NTM: variants seen among roughly 807,000 people sequenced by gnomAD.
NTM encodes IgLON family member 2.
A neutral mutation model predicts 42.1 loss-of-function variants in NTM; 13 were observed. The ratio of observed to expected loss-of-function variants is 0.31; its 90% CI spans 0.20 to 0.49. The LOEUF is 0.49. Among genes scored for constraint, NTM ranks in the 20% least tolerant of loss-of-function variants. The probability of loss-of-function intolerance (pLI) is 0.99; values close to 1 mark genes in which losing one functional copy is unlikely to be tolerated. For missense variants in NTM, 373 were observed against 452.8 expected (o/e 0.82, Z 1.60); for synonymous variants, 187 against 179.2 (o/e 1.04, Z -0.35).
intron 1 of NTM, among the ~76,000 whole-genome samples, chr11:131,783,548 C>T (rs2088569988): frequency 6.6e-6 from 1 of 152,074 alleles, no homozygotes; most frequent in African/African-American, 2.4e-5. Context: ...GAAAAAGATT[C>T]TCTTTTCAAT....
At chr11:131,517,588 C>CT (rs368596079) in intron 1 of NTM, among the ~76,000 whole-genome samples, 17 of 152,142 alleles carry the variant, frequency 1.1e-4, no homozygotes, top group South Asian at 1.0e-3. Context: ...AAGCATCACT[C>CT]TTTTTTTTCC....
chr11:131,925,919 A>G (rs1469849230), intron 2 of NTM, among the ~76,000 whole-genome samples: 1 of 152,134 alleles, frequency 6.6e-6, no homozygotes, highest in Non-Finnish European at 1.5e-5. Flanking sequence ...TTGCTTTGGT[A>G]TGCTGCACAG....
intron 2 of NTM, among the ~76,000 whole-genome samples, chr11:131,987,112 A>G (rs990437001): frequency 1.3e-5 from 2 of 152,192 alleles, no homozygotes; most frequent in Non-Finnish European, 1.5e-5. Context: ...AATGTCCCAT[A>G]TTACTAATGA....
At chr11:132,287,581 A>G (rs1380590495) in intron 4 of NTM, among the ~76,000 whole-genome samples, 3 of 152,208 alleles carry the variant, frequency 2.0e-5, no homozygotes, top group Non-Finnish European at 2.9e-5. Context: ...AGGATCAGAG[A>G]GACTGAACAG....
chr11:131,632,398 T>G (rs1004227896), intron 1 of NTM, among the ~76,000 whole-genome samples: 1 of 152,192 alleles, frequency 6.6e-6, no homozygotes, highest in African/African-American at 2.4e-5. Context: ...TAGTCTTACT[T>G]CTTCATCTCA....
chr11:131,676,471 G>A (rs1421439523), intron 1 of NTM, among the ~76,000 whole-genome samples: 1 of 152,194 alleles, frequency 6.6e-6, no homozygotes, highest in African/African-American at 2.4e-5. Flanking sequence ...CTGTGTACAT[G>A]CGTGTGCGGG....
intron 1 of NTM, among the ~76,000 whole-genome samples, chr11:131,448,180 G>A (rs1950209133): frequency 6.6e-6 from 1 of 152,238 alleles, no homozygotes; most frequent in African/African-American, 2.4e-5. Context: ...GAGCTCAACA[G>A]ACTGTCCTGC....
intron 1 of NTM, among the ~76,000 whole-genome samples, chr11:131,670,416 T>C (rs184775009): frequency 1.3e-5 from 2 of 152,260 alleles, no homozygotes; most frequent in Non-Finnish European, 1.5e-5. Flanking sequence ...TTCTTTCTTA[T>C]ACATTTATTT....
chr11:131,418,846 T>A (rs1034093849), intron 1 of NTM, among the ~76,000 whole-genome samples: 5 of 152,188 alleles, frequency 3.3e-5, no homozygotes, highest in African/African-American at 1.2e-4. Context: ...ATGCAAAGTC[T>A]CAGAGCCAGG....
At chr11:131,928,920 C>G (rs1439201439) in intron 2 of NTM, among the ~76,000 whole-genome samples, 1 of 152,244 alleles carries the variant, frequency 6.6e-6, no homozygotes, top group Non-Finnish European at 1.5e-5. Context: ...TCATTCTCAC[C>G]CTTTCCTTCA....
chr11:131,432,888 C>G (rs1365382085), intron 1 of NTM, among the ~76,000 whole-genome samples: 1 of 100,108 alleles, frequency 1.0e-5, no homozygotes, highest in East Asian at 3.3e-4. Flanking sequence ...GAGTCTCACT[C>G]TGTTTGCCCA....
chr11:132,110,051 G>T (rs2062958214), intron 2 of NTM, among the ~76,000 whole-genome samples: 1 of 152,118 alleles, frequency 6.6e-6, no homozygotes, highest in African/African-American at 2.4e-5. Context: ...TTTCACTTGG[G>T]CTCAACTCTA....
At chr11:131,883,569 G>A (rs896106893) in intron 1 of NTM, among the ~76,000 whole-genome samples, 1 of 152,192 alleles carries the variant, frequency 6.6e-6, no homozygotes, top group Non-Finnish European at 1.5e-5. Context: ...GTCTAGAGAG[G>A]AGTGATTTTC....
At chr11:132,292,188 T>TAGCGGGAAGGGA (rs1290802332) in intron 4 of NTM, among the ~76,000 whole-genome samples, 1 of 152,154 alleles carries the variant, frequency 6.6e-6, no homozygotes, top group Non-Finnish European at 1.5e-5. Context: ...GGTTTTTTGA[T>TAGCGGGAAGGGA]AGCGGGAAGG....
In NTM at chr11:131,404,688, T is replaced by C. The variant is rs1945622700; in HGVS notation, c.82+33800T>C. On this transcript the variant is annotated intron_variant, in intron 1 of 8. Transcript: ENST00000683400. The stretch of plus-strand genomic sequence containing the variant: ...TGTCTCTGAAATTGGGACACATCCT[T>C]CAATTGATAGCATCTTATAATCTGC... Among the ~76,000 whole-genome samples the C allele has an allele frequency of 2.0e-5, 3 of 152,194 alleles. 1 individual carries two copies. The South Asian group carries it at 6.2e-4, about 31-fold the overall frequency.
intron 1 of NTM, among the ~76,000 whole-genome samples, chr11:131,860,115 T>A (rs1195612989): frequency 6.6e-6 from 1 of 152,116 alleles, no homozygotes; most frequent in Admixed American, 6.5e-5. Context: ...TCCGTCAATG[T>A]CAAAAAGATT....
intron 1 of NTM, among the ~76,000 whole-genome samples, chr11:131,496,086 A>G (rs1287093830): frequency 6.6e-6 from 1 of 152,178 alleles, no homozygotes; most frequent in East Asian, 1.9e-4. Context: ...TCCCTTGATG[A>G]AGAGCTCAGA....
At chr11:131,980,356 T>C (rs2134887021) in intron 2 of NTM, among the ~76,000 whole-genome samples, 1 of 152,330 alleles carries the variant, frequency 6.6e-6, no homozygotes, top group Admixed American at 6.5e-5. Context: ...TCAACCTGGT[T>C]GTGATTATCC....
chr11:131,373,065 G>A (rs1941436346), intron 1 of NTM, among the ~76,000 whole-genome samples: 1 of 152,154 alleles, frequency 6.6e-6, no homozygotes, highest in African/African-American at 2.4e-5. Flanking sequence ...TTCAGTGGTC[G>A]TAATAGAACA....
Sources: allele counts gnomAD v4.1 joint callset (sites outside exome capture counted in the v4.1 genomes callset), GRCh38; gene constraint gnomAD v4.1.1; transcripts MANE v1.5; gene names NCBI Gene and HGNC (gene_info 2026-07-23, HGNC 2026-07-21).